Variants in SYMPK observed in about 807,000 individuals in gnomAD.
SYMPK encodes the protein symplekin.
SYMPK carries 49 observed loss-of-function variants against 136.4 expected under a neutral mutation model. The observed-to-expected ratio is 0.36, with a 90% CI of 0.29 to 0.46. The LOEUF (loss-of-function observed/expected upper bound fraction) is 0.46, where lower values mean the gene tolerates loss of function less well. SYMPK is among the 20% of genes least tolerant of loss of function. The probability of loss-of-function intolerance (pLI) is 1.00; values close to 1 mark genes in which losing one functional copy is unlikely to be tolerated. For missense variants in SYMPK, 1,365 were observed against 1,690.0 expected, an observed-to-expected ratio of 0.81 and a Z score of 3.37; for synonymous variants, 766 against 713.0, an observed-to-expected ratio of 1.07 and a Z score of -1.19.
At chr19:45,852,425 G>A (rs1277810698) in intron 4 of SYMPK, 40 bp from the exon 5 acceptor site, 1 of 1,613,670 alleles carries the variant, frequency 6.2e-7, no homozygotes, top group Admixed American at 1.7e-5. Flanking sequence ...GGCTACACAA[G>A]GATCCACATC....
At position 45,829,111 on chromosome 19, in the gene SYMPK, C is replaced by T. The variant is rs141706016; in HGVS notation, c.1844G>A (p.Arg615His). Residue 615 changes from arginine to histidine, a missense_variant, in exon 14 of 27, where the codon CGC (arginine) becomes CAC (histidine). Arg to His is a conservative substitution (Grantham distance 29, BLOSUM62 0). Coordinates refer to ENST00000245934, the MANE Select transcript of SYMPK (RefSeq NM_004819.3). ...GAGCCAGGCGAAGGCCAGGTCCAGGCGGGCCCGCACATCCTCCAGGATGAA... is the reference window on the plus strand; with the variant it reads ...GAGCCAGGCGAAGGCCAGGTCCAGGTGGGCCCGCACATCCTCCAGGATGAA... ...LSFILEDVRA[R>H]LDLAFAWLYQ... 8.2e-3 allele frequency: 13,289 copies of T among 1,614,202 alleles called. 75 individuals are homozygous for T. Among genetic ancestry groups the T allele is most frequent in the Middle Eastern group, 0.014 (86 of 6,062 alleles).
At chr19:45,816,777 C>T (rs754763665) in intron 24 of SYMPK, 21 bp downstream of exon 24, 1 of 1,514,878 alleles carries the variant, frequency 6.6e-7, no homozygotes, top group Non-Finnish European at 8.8e-7. Context: ...GGAAAGGGTA[C>T]CTGGTGGGGG....
chr19:45,817,854 G>C (rs1422007941), intron 23 of SYMPK, 105 bp downstream of exon 23: 2 of 1,200,420 alleles, frequency 1.7e-6, no homozygotes, highest in Non-Finnish European at 2.3e-6. Context: ...AGAGCCTGCT[G>C]TCCTCCACCG....
chr19:45,853,575 T>C (rs1971744708), intron 3 of SYMPK, among the ~76,000 whole-genome samples: 1 of 149,502 alleles, frequency 6.7e-6, no homozygotes. Context: ...GATCGTGCCA[T>C]GGCACTCCAG....
chr19:45,841,441 C>T (rs1310534865), intron 9 of SYMPK, among the ~76,000 whole-genome samples: 1 of 152,002 alleles, frequency 6.6e-6, no homozygotes, highest in Non-Finnish European at 1.5e-5. Flanking sequence ...TACAGGCATG[C>T]ACCACTACAC....
chr19:45,820,911 G>T, intron 22 of SYMPK: 1 of 572,470 alleles, frequency 1.7e-6, no homozygotes, highest in South Asian at 2.2e-5. Flanking sequence ...TCAGTGAGTG[G>T]GGGCCATCGT....
intron 18 of SYMPK, 46 bp from the exon 19 acceptor site, chr19:45,823,921 G>A: frequency 6.5e-7 from 1 of 1,532,972 alleles, no homozygotes; most frequent in Non-Finnish European, 8.9e-7. Context: ...GAGAGCTTAG[G>A]GGAGGGTCAG....
chr19:45,820,839 C>A (rs1970871774), intron 22 of SYMPK: 2 of 435,186 alleles, frequency 4.6e-6, no homozygotes, highest in Non-Finnish European at 4.1e-6. Flanking sequence ...AACATACCCA[C>A]CAAGTGGCGG....
In SYMPK at chr19:45,815,798, C is replaced by A. The variant is rs972117802; in HGVS notation, c.3687+53G>T. On this transcript the variant is annotated intron_variant, in intron 26 of 26. Transcript: ENST00000245934. ...CTGATGGCCCCTCCTCCCCCACCTT[C>A]ACCCCGGCCCAGATCCGGCTTCTTC... 3 of 1,593,242 alleles carry A rather than the reference C, an allele frequency of 1.9e-6. No individual in the cohort carries two copies. In the African/African-American group the frequency reaches 4.0e-5, roughly 21 times the overall value.
chr19:45,839,176 AC>A (rs1046701329), intron 9 of SYMPK, among the ~76,000 whole-genome samples: 1 of 152,200 alleles, frequency 6.6e-6, no homozygotes, highest in Non-Finnish European at 1.5e-5. Flanking sequence ...GGCATGAGCC[AC>A]CACGCCCAGC....
chr19:45,825,189 C>T lies in SYMPK; in HGVS notation c.2472G>A (p.Leu824=), dbSNP rs1366995109. Residue 824 remains leucine, a synonymous_variant, in exon 18 of 27, where the codon CTG becomes CTA. Transcript: ENST00000245934. The stretch of plus-strand genomic sequence containing the variant: ...GCCTCACCGGCTGCTCAATGACCCT[C>T]AGCACCGTCCGCTTGATGTCGGCGA... ...EAIADIKRTV[L]RVIEQPIRGM... is the part of the protein sequence containing the mutation. 6 of 1,613,670 alleles carry T rather than the reference C, an allele frequency of 3.7e-6. No homozygotes were observed. Among genetic ancestry groups the T allele is most frequent in the Non-Finnish European group, 4.2e-6 (5 of 1,179,904 alleles).
chr19:45,831,892 G>GA (rs1971185736), intron 11 of SYMPK, among the ~76,000 whole-genome samples: 1 of 152,106 alleles, frequency 6.6e-6, no homozygotes, highest in Admixed American at 6.6e-5. Flanking sequence ...GGAGTACGGT[G>GA]GTGCAATCAG....
chr19:45,860,191 C>T (rs1241438681), intron 1 of SYMPK, among the ~76,000 whole-genome samples: 1 of 151,444 alleles, frequency 6.6e-6, no homozygotes, highest in Non-Finnish European at 1.5e-5. Context: ...CACGGTGGCT[C>T]AAGCCTATAA....
intron 1 of SYMPK, among the ~76,000 whole-genome samples, chr19:45,860,307 A>C (rs1395354035): frequency 6.6e-6 from 1 of 151,850 alleles, no homozygotes; most frequent in Admixed American, 6.6e-5. Flanking sequence ...AATACAAAAA[A>C]ATTAGCCAGG....
intron 11 of SYMPK, among the ~76,000 whole-genome samples, chr19:45,833,018 CAA>C (rs11392482): frequency 0.16 from 20,253 of 124,866 alleles, 1,501 homozygotes; most frequent in South Asian, 0.21. Context: ...GACTCCATCT[CAA>C]AAAAAAAAAA....
intron 9 of SYMPK, among the ~76,000 whole-genome samples, chr19:45,841,839 G>A (rs2146329126): frequency 6.6e-6 from 1 of 152,194 alleles, no homozygotes; most frequent in African/African-American, 2.4e-5. Context: ...GTTCACACCT[G>A]GGGAGTGGTT....
chr19:45,846,599 G>T (rs139801150), intron 7 of SYMPK, among the ~76,000 whole-genome samples: 1 of 152,224 alleles, frequency 6.6e-6, no homozygotes, highest in African/African-American at 2.4e-5. Flanking sequence ...ACAAAGCATG[G>T]CCTCATTTTT....
intron 14 of SYMPK, chr19:45,828,717 G>C (rs1324973525): frequency 1.8e-6 from 1 of 547,202 alleles, no homozygotes; most frequent in African/African-American, 1.9e-5. Context: ...GAGTGACAAA[G>C]CCACGCAGAG....
intron 1 of SYMPK, among the ~76,000 whole-genome samples, chr19:45,862,828 C>T (rs978083068): frequency 6.6e-6 from 1 of 152,172 alleles, no homozygotes; most frequent in African/African-American, 2.4e-5. Context: ...GCAAAGAGGC[C>T]GAGTCGAAGC....
Sources: gnomAD v4.1 joint callset for allele counts (sites outside exome capture counted in the v4.1 genomes callset) on GRCh38, gnomAD v4.1.1 for gene constraint, MANE v1.5 for transcripts, NCBI Gene and HGNC (gene_info 2026-07-23, HGNC 2026-07-21) for gene names.